The following POLH variants were observed in gnomAD, a reference collection of about 807,000 sequenced individuals.
POLH encodes DNA polymerase eta transcript.
Under a neutral mutation model 73.6 loss-of-function variants are expected in POLH, and 53 were observed. The observed-to-expected ratio is 0.72, with a 90% CI of 0.58 to 0.91. The LOEUF (loss-of-function observed/expected upper bound fraction) is 0.91, where lower values mean the gene tolerates loss of function less well. POLH is among the 40% of genes least tolerant of loss of function. The pLI is 0.00. For synonymous variants in POLH, 292 were observed against 308.5 expected (o/e 0.95, Z 0.56); for missense variants, 768 against 865.4 (o/e 0.89, Z 1.41).
At chr6:43,599,568 G>A (rs1179273584) in intron 5 of POLH, among the ~76,000 whole-genome samples, 1 of 151,432 alleles carries the variant, frequency 6.6e-6, no homozygotes, top group Non-Finnish European at 1.5e-5. Flanking sequence ...ATTTTCCCTG[G>A]TTGATACCTT....
At chr6:43,596,602 G>C (rs1766087609) in intron 4 of POLH, among the ~76,000 whole-genome samples, 1 of 152,122 alleles carries the variant, frequency 6.6e-6, no homozygotes, top group Non-Finnish European at 1.5e-5. Context: ...GAATGAAAGA[G>C]AAAATAAGCC....
At chr6:43,603,803 A>C (rs1431292625) in intron 6 of POLH, 89 bp from the exon 7 acceptor site, 3 of 1,287,320 alleles carry the variant, frequency 2.3e-6, no homozygotes, top group South Asian at 1.2e-5. Flanking sequence ...CCTTTTGGAG[A>C]GCTGTTTACA....
rs1294511854 is a variant in POLH at position 43,618,877 on chromosome 6, C to G, written c.*4320C>G. 6.6e-6 allele frequency among the ~76,000 whole-genome samples: 1 copy of G among 151,866 alleles called. No homozygotes were observed. Among genetic ancestry groups the G allele is most frequent in the South Asian group, 2.1e-4 (1 of 4,810 alleles). Reference sequence around the variant, plus strand: ...AACTCTTGATCTCAAGTGATCCACCCGCCCTGGCCTCCCAAAGTGCTGGGA... The same window carrying G: ...AACTCTTGATCTCAAGTGATCCACCGGCCCTGGCCTCCCAAAGTGCTGGGA... On this transcript the variant is annotated 3_prime_UTR_variant, in exon 11 of 11. Transcript: ENST00000372236.
intron 8 of POLH, 120 bp downstream of exon 8, chr6:43,604,858 T>C: frequency 9.7e-7 from 1 of 1,031,778 alleles, no homozygotes; most frequent in Non-Finnish European, 1.5e-6. Context: ...AGAAAACAGA[T>C]GTTCTGTCCT....
intron 10 of POLH, among the ~76,000 whole-genome samples, chr6:43,611,885 GTC>G (rs1371137702): frequency 1.3e-5 from 2 of 152,002 alleles, no homozygotes; most frequent in African/African-American, 4.8e-5. Flanking sequence ...GTGAAACCCT[GTC>G]TCTACTAAAA....
intron 4 of POLH, chr6:43,591,507 C>T (rs1012178270): frequency 3.9e-5 from 6 of 152,022 alleles, no homozygotes; most frequent in Admixed American, 6.6e-5. Flanking sequence ...TTAGTAGAGA[C>T]GGGGTTTCGC....
intron 6 of POLH, 26 bp downstream of exon 6, chr6:43,601,117 T>G (rs1374120283): frequency 6.8e-7 from 1 of 1,468,598 alleles, no homozygotes; most frequent in African/African-American, 1.4e-5. Context: ...GCATGTTAAA[T>G]TTCACTTCTA....
At chr6:43,598,352 C>T (rs1292024088) in intron 5 of POLH, among the ~76,000 whole-genome samples, 2 of 151,734 alleles carry the variant, frequency 1.3e-5, no homozygotes, top group Admixed American at 1.3e-4. Context: ...GAAGGCCGGG[C>T]ATGGGGGCTC....
chr6:43,608,935 C>T (rs1767590805), intron 9 of POLH, among the ~76,000 whole-genome samples: 1 of 152,190 alleles, frequency 6.6e-6, no homozygotes. Context: ...CTTCCCCTCA[C>T]TTATTCTAGT....
At chr6:43,584,102 C>G (rs573268340) in intron 3 of POLH, among the ~76,000 whole-genome samples, 1 of 152,308 alleles carries the variant, frequency 6.6e-6, no homozygotes, top group African/African-American at 2.4e-5. Flanking sequence ...CAGATCACAC[C>G]ACTGCACTCC....
chr6:43,581,575 G>C (rs62402423), intron 1 of POLH, among the ~76,000 whole-genome samples: 1 of 150,378 alleles, frequency 6.6e-6, no homozygotes, highest in Non-Finnish European at 1.5e-5. Context: ...CGCGGGGCCC[G>C]TCCGCTCCTC....
chr6:43,582,195 C>T (rs1764356844), intron 1 of POLH, 121 bp from the exon 2 acceptor site: 1 of 916,626 alleles, frequency 1.1e-6, no homozygotes, highest in Admixed American at 1.8e-5. Flanking sequence ...CTATTTCATT[C>T]TTGTTAGTTT....
chr6:43,613,044 CG>C (rs1295281598), intron 10 of POLH, among the ~76,000 whole-genome samples: 1 of 152,028 alleles, frequency 6.6e-6, no homozygotes, highest in Non-Finnish European at 1.5e-5. Flanking sequence ...ATGACCCACC[CG>C]CCTTAGCCTC....
chr6:43,597,362 G>T (rs1040430777), intron 4 of POLH, among the ~76,000 whole-genome samples: 1 of 152,118 alleles, frequency 6.6e-6, no homozygotes, highest in South Asian at 2.1e-4. Context: ...TGATCCACCC[G>T]CCTTGCTCTC....
rs897203358 is a variant in POLH, at chr6:43,592,404, C to CTTT, written c.490+4931_490+4933dup. On this transcript the variant is annotated intron_variant, in intron 4 of 10. Transcript: ENST00000372236. Reference sequence around the variant, plus strand: ...TCCTGCATTTGCAGCTTTGTATCTTCTTTTTTTTTTTTTTTTTTGGAGAGG... The same window carrying CTTT: ...TCCTGCATTTGCAGCTTTGTATCTTCTTTTTTTTTTTTTTTTTTTTTGGAGAGG... 4.2e-3 allele frequency among the ~76,000 whole-genome samples: 550 copies of CTTT among 131,794 alleles called. 6 individuals are homozygous for CTTT. Among genetic ancestry groups the CTTT allele is most frequent in the African/African-American group, 0.015 (499 of 34,044 alleles). The allele number at this position is 131,794 out of a possible 152,430, so 86.5% of individuals were successfully genotyped here.
chr6:43,612,347 T>C (rs1274124532), intron 10 of POLH, among the ~76,000 whole-genome samples: 1 of 106,098 alleles, frequency 9.4e-6, no homozygotes, highest in Non-Finnish European at 1.7e-5. Context: ...ATTGGGATAC[T>C]TTTTTTTTTT....
At chr6:43,605,156 A>C in intron 8 of POLH, 98 bp from the exon 9 acceptor site, 1 of 763,394 alleles carries the variant, frequency 1.3e-6, no homozygotes. Flanking sequence ...TTGGTGCACA[A>C]TTCTGTTTGG....
In POLH at chr6:43,597,967, G is replaced by A. The variant is rs866807275; in HGVS notation, c.660+102G>A. 3.3e-5 allele frequency: 33 copies of A among 1,008,796 alleles called. No homozygotes were observed. The Middle Eastern group carries it at 7.4e-4, about 23-fold the overall frequency. The allele number at this position is 1,008,796 out of a possible 1,614,324, so 62.5% of individuals were successfully genotyped here. Reference sequence around the variant, plus strand: ...AATTATTACACATAGGCCGGGTGCAGTTTCGCACGCCTATGTGAGTGGATC... The same window carrying A: ...AATTATTACACATAGGCCGGGTGCAATTTCGCACGCCTATGTGAGTGGATC... On this transcript the variant is annotated intron_variant, in intron 5 of 10. Transcript: ENST00000372236.
chr6:43,618,034 G>GT lies in POLH; in HGVS notation c.*3478dup, dbSNP rs1768463189. On this transcript the variant is annotated 3_prime_UTR_variant, in exon 11 of 11. Transcript: ENST00000372236. ...AAGCCCTTAAGTACAAATTTAAGAGGTAAGTGCTTCAGCCATTAGGGTTAC... is the reference window on the plus strand; with the variant it reads ...AAGCCCTTAAGTACAAATTTAAGAGGTTAAGTGCTTCAGCCATTAGGGTTAC... 6.6e-6 allele frequency among the ~76,000 whole-genome samples: 1 copy of GT among 152,224 alleles called. No individual in the cohort carries two copies. Among genetic ancestry groups the GT allele is most frequent in the Non-Finnish European group, 1.5e-5 (1 of 68,044 alleles).
Sources: gnomAD v4.1 joint callset for allele counts (sites outside exome capture counted in the v4.1 genomes callset) on GRCh38, gnomAD v4.1.1 for gene constraint, MANE v1.5 for transcripts, NCBI Gene and HGNC (gene_info 2026-07-23, HGNC 2026-07-21) for gene names.